CDKAL1: variants seen among roughly 807,000 people sequenced by gnomAD.
CDKAL1 encodes threonylcarbamoyladenosine tRNA methylthiotransferase.
In CDKAL1, 32 loss-of-function variants were observed where a neutral mutation model predicts 68.2. The ratio of observed to expected loss-of-function variants is 0.47; its 90% CI spans 0.35 to 0.63. The LOEUF is 0.63. Among genes scored for constraint, CDKAL1 ranks in the 30% least tolerant of loss-of-function variants. The pLI is 0.00. For missense variants in CDKAL1, 606 were observed against 696.7 expected (o/e 0.87, Z 1.47); for synonymous variants, 234 against 244.3 (o/e 0.96, Z 0.39).
intron 4 of CDKAL1, among the ~76,000 whole-genome samples, chr6:20,554,195 T>C (rs1026820470): frequency 6.6e-6 from 1 of 152,250 alleles, no homozygotes; most frequent in African/African-American, 2.4e-5. Flanking sequence ...GGAGAAATGA[T>C]GTTAGCCCCT....
At chr6:20,575,441 C>CAAAA (rs57442477) in intron 4 of CDKAL1, among the ~76,000 whole-genome samples, 669 of 92,152 alleles carry the variant, frequency 7.3e-3, no homozygotes, top group Middle Eastern at 0.018. Context: ...AGGGGCACCA[C>CAAAA]AAAAAAAAAA....
At chr6:20,613,678 A>G (rs1345270609) in intron 4 of CDKAL1, among the ~76,000 whole-genome samples, 5 of 149,100 alleles carry the variant, frequency 3.4e-5, no homozygotes, top group African/African-American at 4.9e-5. Context: ...TATATAATAT[A>G]TATTATTTAG....
At chr6:21,160,083 C>T (rs2151061760) in intron 13 of CDKAL1, among the ~76,000 whole-genome samples, 1 of 152,282 alleles carries the variant, frequency 6.6e-6, no homozygotes. Flanking sequence ...CAGTTTTCAA[C>T]AGTTCTCTGA....
chr6:21,194,774 C>G (rs1177959658), intron 13 of CDKAL1, among the ~76,000 whole-genome samples: 1 of 152,150 alleles, frequency 6.6e-6, no homozygotes. Context: ...CCTTTGCAAC[C>G]AAGGTGAAGT....
At chr6:21,070,946 G>A (rs1231303756) in intron 12 of CDKAL1, among the ~76,000 whole-genome samples, 1 of 152,108 alleles carries the variant, frequency 6.6e-6, no homozygotes, top group East Asian at 1.9e-4. Context: ...GCATCTCCAG[G>A]TGATTTGTGT....
intron 13 of CDKAL1, among the ~76,000 whole-genome samples, chr6:21,156,261 A>G (rs889837629): frequency 3.3e-5 from 5 of 151,810 alleles, no homozygotes; most frequent in African/African-American, 1.2e-4. Context: ...TCTCTATAAA[A>G]AATTTTTAAA....
intron 9 of CDKAL1, among the ~76,000 whole-genome samples, chr6:20,915,839 T>C (rs1313799678): frequency 1.3e-5 from 2 of 152,140 alleles, no homozygotes; most frequent in African/African-American, 2.4e-5. Context: ...CAACCTGTGG[T>C]ATATCCATAC....
Position 20,778,806 on chromosome 6 carries a change from A to G in CDKAL1, c.518-2339A>G, listed in dbSNP as rs137884035. Among the ~76,000 whole-genome samples, 5 of 151,896 alleles carry G rather than the reference A, an allele frequency of 3.3e-5. No homozygotes were observed. The East Asian group carries it at 9.7e-4, about 29-fold the overall frequency. ...GAGCTCACTTTTAGCCTTTTTTTTT[A>G]AATTGAGACTTTTATTTAATTGGAC... On this transcript the variant is annotated intron_variant, in intron 7 of 15. Coordinates refer to ENST00000274695, the MANE Select transcript of CDKAL1 (RefSeq NM_017774.3).
At chr6:21,174,312 C>T (rs904931240) in intron 13 of CDKAL1, among the ~76,000 whole-genome samples, 1 of 152,100 alleles carries the variant, frequency 6.6e-6, no homozygotes, top group African/African-American at 2.4e-5. Flanking sequence ...TATCAACTGT[C>T]CCTATGTTAT....
At chr6:20,797,479 G>A (rs181046801) in intron 8 of CDKAL1, among the ~76,000 whole-genome samples, 7 of 152,128 alleles carry the variant, frequency 4.6e-5, no homozygotes, top group African/African-American at 7.2e-5. Flanking sequence ...TATGACGAAC[G>A]TCCTACTTTT....
intron 15 of CDKAL1, among the ~76,000 whole-genome samples, chr6:21,222,973 T>C (rs940475867): frequency 1.3e-5 from 2 of 152,086 alleles, no homozygotes; most frequent in Non-Finnish European, 2.9e-5. Flanking sequence ...CTCAGCGATG[T>C]GCCATCTACA....
intron 13 of CDKAL1, among the ~76,000 whole-genome samples, chr6:21,144,503 A>G (rs1027457175): frequency 5.3e-5 from 8 of 152,046 alleles, no homozygotes; most frequent in African/African-American, 1.9e-4. Context: ...AACTGAAGAT[A>G]GGCCAGGCAT....
intron 10 of CDKAL1, among the ~76,000 whole-genome samples, chr6:20,999,916 A>G (rs1032799026): frequency 2.0e-5 from 3 of 152,170 alleles, no homozygotes; most frequent in African/African-American, 2.4e-5. Context: ...TGAAGTAGAA[A>G]TGGTGTTTGT....
At chr6:21,175,436 A>C (rs1159174071) in intron 13 of CDKAL1, among the ~76,000 whole-genome samples, 1 of 152,210 alleles carries the variant, frequency 6.6e-6, no homozygotes, top group East Asian at 1.9e-4. Context: ...AACAAAGCTC[A>C]TCTAGGTGAC....
chr6:20,764,111 T>C (rs1376366329), intron 7 of CDKAL1, among the ~76,000 whole-genome samples: 1 of 152,160 alleles, frequency 6.6e-6, no homozygotes, highest in East Asian at 1.9e-4. Flanking sequence ...GGAATATAAA[T>C]CTGCATTTCT....
intron 4 of CDKAL1, among the ~76,000 whole-genome samples, chr6:20,625,685 A>G (rs925669424): frequency 5.3e-5 from 8 of 152,038 alleles, no homozygotes; most frequent in Middle Eastern, 3.2e-3. Flanking sequence ...CATTTTCCCT[A>G]TTGGGTTAGG....
At chr6:20,767,410 A>G (rs915351301) in intron 7 of CDKAL1, among the ~76,000 whole-genome samples, 1 of 152,162 alleles carries the variant, frequency 6.6e-6, no homozygotes, top group African/African-American at 2.4e-5. Context: ...AGGTCATGTT[A>G]GAAATACAGT....
At chr6:21,221,831 T>C (rs1005550651) in intron 15 of CDKAL1, among the ~76,000 whole-genome samples, 6 of 152,312 alleles carry the variant, frequency 3.9e-5, no homozygotes, top group Middle Eastern at 3.4e-3. Flanking sequence ...AGCTTAAGAG[T>C]TGCTTTCACA....
At chr6:20,993,977 T>C (rs1766973050) in intron 10 of CDKAL1, among the ~76,000 whole-genome samples, 1 of 152,194 alleles carries the variant, frequency 6.6e-6, no homozygotes, top group Admixed American at 6.6e-5. Context: ...CCATGCTCGC[T>C]GCTACCAGAG....
Sources: allele counts gnomAD v4.1 joint callset (sites outside exome capture counted in the v4.1 genomes callset), GRCh38; gene constraint gnomAD v4.1.1; transcripts MANE v1.5; gene names NCBI Gene and HGNC (gene_info 2026-07-23, HGNC 2026-07-21).